TMEM123: variants seen among roughly 807,000 people sequenced by gnomAD.
TMEM123 encodes porimin.
A neutral mutation model predicts 19.7 loss-of-function variants in TMEM123; 16 were observed. The ratio of observed to expected loss-of-function variants is 0.81; its 90% CI spans 0.55 to 1.23. The LOEUF (loss-of-function observed/expected upper bound fraction) is 1.23, where lower values mean the gene tolerates loss of function less well. TMEM123 is among the 50% of genes most tolerant of loss of function. The probability of loss-of-function intolerance (pLI) is 0.00; values close to 1 mark genes in which losing one functional copy is unlikely to be tolerated. For missense variants in TMEM123, 313 were observed against 257.8 expected, an observed-to-expected ratio of 1.21 and a Z score of -1.47; for synonymous variants, 118 against 99.4, an observed-to-expected ratio of 1.19 and a Z score of -1.12.
In TMEM123 at chr11:102,398,254, G is replaced by GCTAA. The variant is rs1196373599; in HGVS notation, c.*609_*612dup. 8.9e-6 allele frequency: 2 copies of GCTAA among 224,598 alleles called. No homozygotes were observed. Among genetic ancestry groups the GCTAA allele is most frequent in the Non-Finnish European group, 8.6e-6 (1 of 116,612 alleles). The allele number at this position is 224,598 out of a possible 1,614,324, so 13.9% of individuals were successfully genotyped here. On this transcript the variant is annotated 3_prime_UTR_variant, in exon 5 of 5. Coordinates refer to ENST00000398136, the MANE Select transcript of TMEM123 (RefSeq NM_052932.3). Reference sequence around the variant, plus strand: ...AATGCTCCAATGGATCCCTAACAGGGCTAAGCAAAGCTATTATTTTGGGTT... The same window carrying GCTAA: ...AATGCTCCAATGGATCCCTAACAGGGCTAACTAAGCAAAGCTATTATTTTGGGTT...
chr11:102,452,462 C>T (rs913639421), intron 1 of TMEM123, 62 bp downstream of exon 1: 7 of 1,344,676 alleles, frequency 5.2e-6, no homozygotes, highest in Non-Finnish European at 6.8e-6. Flanking sequence ...AACTTGGGAA[C>T]CCAAGCCTCG....
In TMEM123 at chr11:102,408,740, T is replaced by C. The variant is rs560755580; in HGVS notation, c.158-6534A>G. Among the ~76,000 whole-genome samples the C allele has an allele frequency of 7.2e-5, 11 of 152,342 alleles. No individual in the cohort carries two copies. The East Asian group carries it at 1.7e-3, about 24-fold the overall frequency. ...CTGTGAGATATCCGAGCTCCCATGG[T>C]TACCGTAACTACCATCCGAGTAACA... is the stretch of plus-strand genomic sequence containing the variant. On this transcript the variant is annotated intron_variant, in intron 2 of 4. Coordinates refer to ENST00000398136, the MANE Select transcript of TMEM123 (RefSeq NM_052932.3).
At chr11:102,451,160 CTG>C (rs1423955683) in intron 1 of TMEM123, 1 of 152,168 alleles carries the variant, frequency 6.6e-6, no homozygotes, top group African/African-American at 2.4e-5. Flanking sequence ...CAAAAAAAAT[CTG>C]TGTTATCAGG....
chr11:102,452,732 G>GC lies in TMEM123; in HGVS notation c.-110dup. 1 of 845,744 alleles carries GC rather than the reference G, an allele frequency of 1.2e-6. No individual in the cohort carries two copies. Among genetic ancestry groups the GC allele is most frequent in the South Asian group, 3.1e-5 (1 of 31,774 alleles). The allele number at this position is 845,744 out of a possible 1,614,324, so 52.4% of individuals were successfully genotyped here. On this transcript the variant is annotated 5_prime_UTR_variant, in exon 1 of 5. Transcript: ENST00000398136. The stretch of plus-strand genomic sequence containing the variant: ...CCGGCTCCGCTTCCCCTTCGGCCGC[G>GC]CACGTTTCCCCTCCCGCCGCTTGCC...
chr11:102,398,896 A>T lies in TMEM123; in HGVS notation c.603-5T>A. On this transcript the variant is annotated splice_polypyrimidine_tract_variant and splice_region_variant and intron_variant, in intron 4 of 4. Coordinates refer to ENST00000398136, the MANE Select transcript of TMEM123 (RefSeq NM_052932.3). ...ATGATGGCATCATGTTCATCTCTGT[A>T]ATATATTAAAAGTTACAATTACTTT... The T allele has an allele frequency of 6.2e-7, 1 of 1,608,140 alleles. No homozygotes were observed. The highest frequency in any genetic ancestry group is 8.5e-7 in the Non-Finnish European group (1 of 1,178,022).
At chr11:102,448,666 A>AC (rs1857907886) in intron 2 of TMEM123, 146 bp downstream of exon 2, 2 of 693,154 alleles carry the variant, frequency 2.9e-6, no homozygotes, top group African/African-American at 3.5e-5. Context: ...ACTATAGGGC[A>AC]CTAGGGCAGG....
At chr11:102,446,688 T>G (rs528782277) in intron 2 of TMEM123, among the ~76,000 whole-genome samples, 1 of 152,336 alleles carries the variant, frequency 6.6e-6, no homozygotes, top group Non-Finnish European at 1.5e-5. Flanking sequence ...GATTTCACTC[T>G]CAAGGAACTT....
chr11:102,401,667 T>C lies in TMEM123; in HGVS notation c.474A>G (p.Ala158=). The C allele has an allele frequency of 6.2e-7, 1 of 1,603,480 alleles. No individual in the cohort carries two copies. Among genetic ancestry groups the C allele is most frequent in the Non-Finnish European group, 8.5e-7 (1 of 1,177,652 alleles). The change falls in exon 4 of 5, where the codon GCA becomes GCG. Residue 158 remains alanine, a synonymous_variant. Transcript: ENST00000398136. ...CAGTATCAAATTTTGATCCTTTCTT[T>C]GCTTCAGAATGCATAGTTGTTGTGA... ...VTITTTMHSE[A]KKGSKFDTGS...
intron 2 of TMEM123, among the ~76,000 whole-genome samples, chr11:102,407,109 T>C (rs1402169929): frequency 6.6e-6 from 1 of 152,082 alleles, no homozygotes; most frequent in Non-Finnish European, 1.5e-5. Flanking sequence ...ACCAAACAGC[T>C]TTTGTCCCTT....
intron 2 of TMEM123, among the ~76,000 whole-genome samples, chr11:102,404,788 C>T (rs1404147009): frequency 6.6e-5 from 10 of 152,084 alleles, no homozygotes; most frequent in East Asian, 1.9e-4. Context: ...TTAGTAGAGA[C>T]GGGGTTTTGC....
chr11:102,400,245 TAGAC>T (rs1565346032), intron 4 of TMEM123, among the ~76,000 whole-genome samples: 1 of 152,198 alleles, frequency 6.6e-6, no homozygotes, highest in South Asian at 2.1e-4. Flanking sequence ...TTCCAAGAGA[TAGAC>T]AGTGTTAGCT....
intron 2 of TMEM123, among the ~76,000 whole-genome samples, chr11:102,432,976 G>C (rs899335893): frequency 1.3e-5 from 2 of 152,002 alleles, no homozygotes; most frequent in Non-Finnish European, 2.9e-5. Flanking sequence ...ACCTCTGACT[G>C]GATTTCAGAG....
intron 2 of TMEM123, among the ~76,000 whole-genome samples, chr11:102,413,957 A>G (rs142611999): frequency 3.7e-4 from 56 of 152,322 alleles, no homozygotes; most frequent in African/African-American, 1.3e-3. Context: ...CATGGAACCT[A>G]AGGAATCCAG....
At position 102,396,824 on chromosome 11, in the gene TMEM123, A is replaced by G. The variant is rs1951859891; in HGVS notation, c.*2043T>C. On this transcript the variant is annotated 3_prime_UTR_variant, in exon 5 of 5. Transcript: ENST00000398136. ...CCAATGCAGAGGAAACTTTCAAGGC[A>G]AATGATGACTTAGTACTTAAAAAGT... 1 of 152,256 alleles carries G rather than the reference A, an allele frequency of 6.6e-6. No homozygotes were observed. Among genetic ancestry groups the G allele is most frequent in the South Asian group, 2.1e-4 (1 of 4,836 alleles). The allele number at this position is 152,256 out of a possible 1,614,324, so 9.4% of individuals were successfully genotyped here.
intron 2 of TMEM123, among the ~76,000 whole-genome samples, chr11:102,426,451 CTTT>C (rs140836722): frequency 2.1e-5 from 3 of 143,214 alleles, no homozygotes; most frequent in Non-Finnish European, 3.1e-5. Context: ...TATTTATTAT[CTTT>C]TTTTTTTTTT....
chr11:102,404,499 G>A (rs779326069), intron 2 of TMEM123, among the ~76,000 whole-genome samples: 3 of 152,040 alleles, frequency 2.0e-5, no homozygotes, highest in African/African-American at 4.8e-5. Flanking sequence ...GGCCAGGCTC[G>A]TTTCAAACTC....
chr11:102,430,189 G>A (rs1466528274), intron 2 of TMEM123, among the ~76,000 whole-genome samples: 2 of 152,218 alleles, frequency 1.3e-5, no homozygotes, highest in African/African-American at 4.8e-5. Flanking sequence ...AGACCAGAGT[G>A]CAGGTGGTGA....
intron 2 of TMEM123, among the ~76,000 whole-genome samples, chr11:102,445,196 G>A (rs531316268): frequency 3.9e-5 from 6 of 152,154 alleles, no homozygotes; most frequent in African/African-American, 9.7e-5. Flanking sequence ...ATTTTCAGAC[G>A]CAATCTCAAA....
At chr11:102,431,955 T>C (rs1857715261) in intron 2 of TMEM123, among the ~76,000 whole-genome samples, 1 of 152,230 alleles carries the variant, frequency 6.6e-6, no homozygotes, top group Admixed American at 6.5e-5. Flanking sequence ...AGGCGCCTTC[T>C]GCCATGATTG....
Sources: gnomAD v4.1 joint callset for allele counts (sites outside exome capture counted in the v4.1 genomes callset) on GRCh38, gnomAD v4.1.1 for gene constraint, MANE v1.5 for transcripts, NCBI Gene and HGNC (gene_info 2026-07-23, HGNC 2026-07-21) for gene names.